The following NDUFAF2 variants were observed in gnomAD, a reference collection of about 807,000 sequenced individuals.
NDUFAF2 encodes the protein NADH:ubiquinone oxidoreductase complex assembly factor 2, also known as NADH dehydrogenase [ubiquinone] 1 alpha subcomplex assembly factor 2.
Under a neutral mutation model 22.8 loss-of-function variants are expected in NDUFAF2, and 13 were observed. The ratio of observed to expected loss-of-function variants is 0.57; its 90% confidence interval spans 0.37 to 0.91. The LOEUF (loss-of-function observed/expected upper bound fraction) is 0.91, where lower values mean the gene tolerates loss of function less well. NDUFAF2 is among the 40% of genes least tolerant of loss of function. NDUFAF2 has a pLI of 0.01. For synonymous variants in NDUFAF2, 53 were observed against 64.2 expected (o/e 0.83, Z 0.84); for missense variants, 162 against 195.2 (o/e 0.83, Z 1.01).
chr5:61,024,365 A>C (rs1283884763), intron 1 of NDUFAF2, among the ~76,000 whole-genome samples: 1 of 152,092 alleles, frequency 6.6e-6, no homozygotes, highest in Non-Finnish European at 1.5e-5. Flanking sequence ...AAAATAAGTC[A>C]AATGTTTAGT....
chr5:61,101,074 G>C (rs1335737400), intron 3 of NDUFAF2, among the ~76,000 whole-genome samples: 1 of 151,998 alleles, frequency 6.6e-6, no homozygotes, highest in Non-Finnish European at 1.5e-5. Context: ...TCTTACCACT[G>C]TAACTTTTAC....
intron 1 of NDUFAF2, among the ~76,000 whole-genome samples, chr5:61,020,672 C>T (rs1751570047): frequency 6.6e-6 from 1 of 151,984 alleles, no homozygotes; most frequent in African/African-American, 2.4e-5. Flanking sequence ...CTACTTCAGC[C>T]TCCTGAGTAG....
intron 2 of NDUFAF2, among the ~76,000 whole-genome samples, chr5:61,075,490 G>A (rs541429998): frequency 4.2e-4 from 64 of 152,170 alleles, no homozygotes; most frequent in Admixed American, 1.5e-3. Context: ...TGGATAATGC[G>A]TGCACCTTCT....
At chr5:61,038,909 T>C (rs1393010943) in intron 1 of NDUFAF2, among the ~76,000 whole-genome samples, 2 of 152,114 alleles carry the variant, frequency 1.3e-5, no homozygotes, top group East Asian at 3.9e-4. Flanking sequence ...CTTCTTTGCA[T>C]GAATGCTTTT....
At chr5:61,147,570 G>A (rs1741160646) in intron 3 of NDUFAF2, among the ~76,000 whole-genome samples, 2 of 151,288 alleles carry the variant, frequency 1.3e-5, no homozygotes, top group Non-Finnish European at 2.9e-5. Context: ...CACCACGTAC[G>A]GCTAGAATCT....
intron 3 of NDUFAF2, among the ~76,000 whole-genome samples, chr5:61,113,294 T>A (rs373202017): frequency 3.9e-5 from 6 of 152,338 alleles, no homozygotes; most frequent in African/African-American, 1.4e-4. Flanking sequence ...AACATGCTTT[T>A]CTTTCTGATT....
At chr5:60,996,560 C>T (rs572361992) in intron 1 of NDUFAF2, among the ~76,000 whole-genome samples, 24 of 152,094 alleles carry the variant, frequency 1.6e-4, no homozygotes, top group Non-Finnish European at 2.5e-4. Context: ...GTGGACTGTG[C>T]CCTTCCAGTC....
intron 2 of NDUFAF2, among the ~76,000 whole-genome samples, chr5:61,080,416 T>TA (rs1484115466): frequency 1.3e-5 from 2 of 152,326 alleles, no homozygotes; most frequent in East Asian, 3.9e-4. Flanking sequence ...TTTGATTTTA[T>TA]AAAAAACTGC....
intron 1 of NDUFAF2, among the ~76,000 whole-genome samples, chr5:61,026,864 C>T (rs1360025029): frequency 6.6e-6 from 1 of 151,528 alleles, no homozygotes; most frequent in East Asian, 1.9e-4. Flanking sequence ...TCATATTATA[C>T]ATGATTTTAA....
intron 3 of NDUFAF2, among the ~76,000 whole-genome samples, chr5:61,142,521 G>T (rs1016487798): frequency 2.0e-5 from 3 of 152,192 alleles, no homozygotes; most frequent in African/African-American, 7.2e-5. Flanking sequence ...AAGAAAGCAT[G>T]TCAAAACAAC....
chr5:60,998,871 C>T (rs1172174233), intron 1 of NDUFAF2, among the ~76,000 whole-genome samples: 2 of 151,544 alleles, frequency 1.3e-5, no homozygotes, highest in African/African-American at 4.8e-5. Flanking sequence ...TATAGGAGAC[C>T]CATTATATTC....
intron 1 of NDUFAF2, among the ~76,000 whole-genome samples, chr5:61,046,402 A>T (rs1751954598): frequency 1.3e-5 from 2 of 152,126 alleles, no homozygotes; most frequent in African/African-American, 2.4e-5. Context: ...GGTAGAATTC[A>T]GCAGTAAAGC....
At chr5:61,150,390 T>G (rs1356099348) in intron 3 of NDUFAF2, among the ~76,000 whole-genome samples, 1 of 152,224 alleles carries the variant, frequency 6.6e-6, no homozygotes. Flanking sequence ...TCTCCATATT[T>G]TTTAACTCTG....
chr5:61,085,105 T>C (rs914799378), intron 2 of NDUFAF2, among the ~76,000 whole-genome samples: 1 of 152,124 alleles, frequency 6.6e-6, no homozygotes, highest in Non-Finnish European at 1.5e-5. Context: ...AATAAAGAGA[T>C]ACTACAAACC....
intron 1 of NDUFAF2, among the ~76,000 whole-genome samples, chr5:61,048,457 T>A (rs547242033): frequency 3.9e-5 from 6 of 152,070 alleles, no homozygotes; most frequent in Admixed American, 3.9e-4. Flanking sequence ...GCATATATGG[T>A]TTTTGTTTTT....
intron 1 of NDUFAF2, among the ~76,000 whole-genome samples, chr5:60,952,592 A>G (rs1329192756): frequency 6.6e-6 from 1 of 152,084 alleles, no homozygotes; most frequent in Non-Finnish European, 1.5e-5. Flanking sequence ...AAATTGTTTT[A>G]TGGCCTAGAG....
chr5:60,950,732 G>A (rs1750533999), intron 1 of NDUFAF2, among the ~76,000 whole-genome samples: 1 of 150,622 alleles, frequency 6.6e-6, no homozygotes, highest in Non-Finnish European at 1.5e-5. Context: ...ATTTTTTAGA[G>A]CAATTTTAGG....
At chr5:60,957,829 A>G (rs1750637238) in intron 1 of NDUFAF2, among the ~76,000 whole-genome samples, 1 of 152,152 alleles carries the variant, frequency 6.6e-6, no homozygotes, top group South Asian at 2.1e-4. Context: ...TCATTGGGAC[A>G]CTGACCATGT....
intron 1 of NDUFAF2, among the ~76,000 whole-genome samples, chr5:61,038,087 G>GC (rs1751822065): frequency 6.4e-5 from 1 of 15,706 alleles, no homozygotes; most frequent in Non-Finnish European, 1.3e-4. Flanking sequence ...GGAGGCGGGG[G>GC]AAGAGAGAGA....
Sources: gnomAD v4.1 joint callset for allele counts (sites outside exome capture counted in the v4.1 genomes callset) on GRCh38, gnomAD v4.1.1 for gene constraint, MANE v1.5 for transcripts, NCBI Gene and HGNC (gene_info 2026-07-23, HGNC 2026-07-21) for gene names.